CRIM1: variants seen among roughly 807,000 people sequenced by gnomAD.
CRIM1 encodes cysteine rich transmembrane BMP regulator 1.
Under a neutral mutation model 116.4 loss-of-function variants are expected in CRIM1, and 32 were observed. The ratio of observed to expected loss-of-function variants is 0.27; its 90% CI spans 0.21 to 0.37. CRIM1 has a LOEUF of 0.37. Among genes scored for constraint, CRIM1 ranks in the 10% least tolerant of loss-of-function variants. The pLI is 1.00. For missense variants in CRIM1, 1,331 were observed against 1,354.8 expected (o/e 0.98, Z 0.28); for synonymous variants, 590 against 509.2 (o/e 1.16, Z -2.13).
intron 1 of CRIM1, among the ~76,000 whole-genome samples, chr2:36,367,172 T>C (rs952122114): frequency 2.0e-5 from 3 of 152,218 alleles, no homozygotes; most frequent in African/African-American, 7.2e-5. Context: ...AGAATGGGTA[T>C]ACTGTGTGCT....
At chr2:36,461,249 G>A (rs1245669027) in intron 4 of CRIM1, among the ~76,000 whole-genome samples, 8 of 152,080 alleles carry the variant, frequency 5.3e-5, no homozygotes. Context: ...AGAAATGAGG[G>A]GTAAGTGTTG....
chr2:36,378,456 G>A lies in CRIM1; in HGVS notation c.332-18158G>A, dbSNP rs878934513. The A allele has an allele frequency of 3.0e-4, 140 of 468,984 alleles. 2 individuals are homozygous for A. Among genetic ancestry groups the A allele is most frequent in the South Asian group, 1.9e-3 (125 of 64,326 alleles). 29.1% of individuals were successfully genotyped at this position (468,984 alleles called of 1,614,324 possible). A position where few individuals can be genotyped will look rare whatever the true frequency, so the allele number is the denominator to read the frequency against. On this transcript the variant is annotated intron_variant, in intron 1 of 16. Transcript: ENST00000280527. ...GGTCCAGATGCAACAGTAGGGAAAG[G>A]AGTGCCACCATTCATTCTGAGGTGC...
chr2:36,513,860 G>A (rs1043854001), intron 11 of CRIM1, 95 bp downstream of exon 11: 37 of 1,094,388 alleles, frequency 3.4e-5, no homozygotes, highest in African/African-American at 3.1e-5. Context: ...GGTTGGAGGG[G>A]ACAACCCCTG....
intron 12 of CRIM1, among the ~76,000 whole-genome samples, 161 bp downstream of exon 12, chr2:36,517,703 T>C (rs1468786075): frequency 6.6e-6 from 1 of 152,206 alleles, no homozygotes; most frequent in African/African-American, 2.4e-5. Flanking sequence ...GCATGTATTC[T>C]CTTTATCAAC....
In CRIM1 at chr2:36,537,489, C is replaced by A. The variant is rs149188754; in HGVS notation, c.2566C>A (p.Pro856Thr). 8.1e-6 allele frequency: 13 copies of A among 1,614,058 alleles called. No homozygotes were observed. Among genetic ancestry groups the A allele is most frequent in the South Asian group, 3.3e-5 (3 of 91,066 alleles). ...QTLCSTVSCP[P>T]LPCVEPINVE... ...CCTCTGCTCGACCGTCAGCTGCCCC[C>A]CTCTGCCCTGTGTTGAGCCCATCAA... Residue 856 changes from proline (P) to threonine (T), a missense_variant, in exon 14 of 17, where the codon CCT (proline) becomes ACT (threonine). Physicochemically the swap from Pro to Thr is conservative, Grantham distance 38 (BLOSUM62 -1). Coordinates refer to ENST00000280527, the MANE Select transcript of CRIM1 (RefSeq NM_016441.3).
At position 36,363,539 on chromosome 2, in the gene CRIM1, C is replaced by CCG. The variant is rs1031346555; in HGVS notation, c.331+6917_331+6918insGC. Among the ~76,000 whole-genome samples, 14 of 144,828 alleles carry CCG rather than the reference C, an allele frequency of 9.7e-5. No individual in the cohort carries two copies. The South Asian group carries it at 3.2e-3, about 33-fold the overall frequency. On this transcript the variant is annotated intron_variant, in intron 1 of 16. Coordinates refer to ENST00000280527, the MANE Select transcript of CRIM1 (RefSeq NM_016441.3). ...TCAGCAGTCGTCGCCGCCCCCCCCCCCCATGACTATCTTTTTATACCTTGT... is the reference window on the plus strand; with the variant it reads ...TCAGCAGTCGTCGCCGCCCCCCCCCCCGCCATGACTATCTTTTTATACCTTGT...
chr2:36,476,999 A>C lies in CRIM1; in HGVS notation c.1102A>C (p.Thr368Pro). 5.6e-6 allele frequency: 9 copies of C among 1,614,144 alleles called. No homozygotes were observed. Among genetic ancestry groups the C allele is most frequent in the Non-Finnish European group, 4.2e-6 (5 of 1,179,988 alleles). The change falls in exon 6 of 17, where the codon ACC (threonine) becomes CCC (proline). Residue 368 changes from threonine to proline, a missense_variant. By Grantham distance (38) the Thr-to-Pro change is conservative. Around this residue, in one of 3 missense-constraint regions of CRIM1, gnomAD observed 690 missense variants for 676.0 expected, o/e 1.02. Coordinates refer to ENST00000280527, the MANE Select transcript of CRIM1 (RefSeq NM_016441.3). ...CCAAGGGGGCGTTGCCATCTGCTTCACCGCCCAGTGTGGTGAGATAAACTG... is the reference window on the plus strand; with the variant it reads ...CCAAGGGGGCGTTGCCATCTGCTTCCCCGCCCAGTGTGGTGAGATAAACTG... ...RCQGGVAICFTAQCGEINCER... is the reference protein window; with the variant it reads ...RCQGGVAICFPAQCGEINCER...
At chr2:36,489,052 C>T (rs1342086594) in intron 7 of CRIM1, among the ~76,000 whole-genome samples, 1 of 152,148 alleles carries the variant, frequency 6.6e-6, no homozygotes, top group Non-Finnish European at 1.5e-5. Context: ...ATCCCCATTT[C>T]CTTACTTTAA....
At chr2:36,468,971 A>C (rs775040938) in intron 5 of CRIM1, among the ~76,000 whole-genome samples, 4 of 152,238 alleles carry the variant, frequency 2.6e-5, no homozygotes, top group African/African-American at 7.2e-5. Flanking sequence ...AACGTTCCCC[A>C]AGTGAGTAAA....
rs375970158 is a variant in CRIM1, at chr2:36,418,234, G to A, written c.505+21447G>A. Among the ~76,000 whole-genome samples the A allele has an allele frequency of 1.7e-4, 26 of 152,326 alleles. No homozygotes were observed. The East Asian group carries it at 1.9e-3, about 11-fold the overall frequency. On this transcript the variant is annotated intron_variant, in intron 2 of 16. Coordinates refer to ENST00000280527, the MANE Select transcript of CRIM1 (RefSeq NM_016441.3). Reference sequence around the variant, plus strand: ...GAGAAATTCAAGGCACAGTGCAGGAGTGCAAGGCCCCAGGTAACACGACAG... The same window carrying A: ...GAGAAATTCAAGGCACAGTGCAGGAATGCAAGGCCCCAGGTAACACGACAG...
intron 4 of CRIM1, among the ~76,000 whole-genome samples, chr2:36,459,769 T>C (rs1425729553): frequency 6.6e-6 from 1 of 152,038 alleles, no homozygotes; most frequent in Non-Finnish European, 1.5e-5. Flanking sequence ...TGGCAGGTGA[T>C]TGAGTGACAT....
At chr2:36,490,232 A>T (rs1003817606) in intron 7 of CRIM1, among the ~76,000 whole-genome samples, 1 of 152,238 alleles carries the variant, frequency 6.6e-6, no homozygotes, top group East Asian at 1.9e-4. Flanking sequence ...CATGACATCA[A>T]TAATTACAAC....
chr2:36,524,275 C>A (rs1190449853), intron 13 of CRIM1, among the ~76,000 whole-genome samples: 2 of 152,124 alleles, frequency 1.3e-5, no homozygotes, highest in African/African-American at 4.8e-5. Context: ...AGGCATATAT[C>A]CAATTTAGTG....
At position 36,392,429 on chromosome 2, in the gene CRIM1, A is replaced by G. The variant is rs1572629269; in HGVS notation, c.332-4185A>G. Among the ~76,000 whole-genome samples, 3 of 151,850 alleles carry G rather than the reference A, an allele frequency of 2.0e-5. 1 individual carries two copies. On this transcript the variant is annotated intron_variant, in intron 1 of 16. Transcript: ENST00000280527. The stretch of plus-strand genomic sequence containing the variant: ...AAAAACCTACTTCATATAGTTAAAA[A>G]CCAGTACCTCTGTTTTTAACTTTTT...
At position 36,356,307 on chromosome 2, in the gene CRIM1, G is replaced by T; in HGVS notation, c.15G>T (p.Ala5=). Residue 5 remains alanine (A), a synonymous_variant, in exon 1 of 17, where the codon GCG becomes GCT. Coordinates refer to ENST00000280527, the MANE Select transcript of CRIM1 (RefSeq NM_016441.3). The surrounding 1 kb of genome is among the most constrained non-coding windows in gnomAD (Gnocchi z 4.3). ...GGCGCAGGAGGATGTACTTGGTGGC[G>T]GGGGACAGGGGGTTGGCCGGCTGCG... MYLV[A]GDRGLAGCGH... The T allele has an allele frequency of 6.5e-7, 1 of 1,541,550 alleles. No homozygotes were observed. Among genetic ancestry groups the T allele is most frequent in the Non-Finnish European group, 8.7e-7 (1 of 1,145,242 alleles).
rs536122849 is a variant in CRIM1 at position 36,396,155 on chromosome 2, G to A, written c.332-459G>A. 7.9e-5 allele frequency among the ~76,000 whole-genome samples: 12 copies of A among 152,168 alleles called. No individual in the cohort carries two copies. In the East Asian group the frequency reaches 2.1e-3, roughly 27 times the overall value. On this transcript the variant is annotated intron_variant, in intron 1 of 16. Transcript: ENST00000280527. Reference sequence around the variant, plus strand: ...GAACTCCTGGGCTCAAGTAATCCCCGTGCCTTGGTCTCTGAAAGTGTTGGG... The same window carrying A: ...GAACTCCTGGGCTCAAGTAATCCCCATGCCTTGGTCTCTGAAAGTGTTGGG...
chr2:36,514,696 C>T (rs529450731), intron 11 of CRIM1, among the ~76,000 whole-genome samples: 11 of 150,974 alleles, frequency 7.3e-5, no homozygotes, highest in Admixed American at 5.9e-4. Flanking sequence ...TCTCCCTGTG[C>T]GTGAGTCCAC....
intron 1 of CRIM1, among the ~76,000 whole-genome samples, chr2:36,386,735 T>C (rs1671194393): frequency 6.6e-6 from 1 of 152,196 alleles, no homozygotes. Flanking sequence ...AACAATTTCA[T>C]TGTGCTGCTG....
At chr2:36,385,665 T>A (rs532222532) in intron 1 of CRIM1, among the ~76,000 whole-genome samples, 85 of 152,316 alleles carry the variant, frequency 5.6e-4, no homozygotes, top group Middle Eastern at 3.4e-3. Flanking sequence ...GTGGTGTTCC[T>A]GTCCTTCTTT....
Sources: gnomAD v4.1 joint callset for allele counts (sites outside exome capture counted in the v4.1 genomes callset) on GRCh38, gnomAD v4.1.1 for gene constraint, gnomAD v4.1.1 regional missense constraint, Gnocchi (gnomAD v3.1) non-coding constraint, MANE v1.5 for transcripts, NCBI Gene and HGNC (gene_info 2026-07-23, HGNC 2026-07-21) for gene names.